LDLRAD4: variants seen among roughly 807,000 people sequenced by gnomAD.
LDLRAD4 encodes the protein low density lipoprotein receptor class A domain containing 4, also known as low-density lipoprotein receptor class A domain-containing protein 4.
LDLRAD4 carries 5 observed loss-of-function variants against 17.0 expected under a neutral mutation model. The ratio of observed to expected loss-of-function variants is 0.29; its 90% CI spans 0.15 to 0.62. The LOEUF is 0.62. Among genes scored for constraint, LDLRAD4 ranks in the 20% least tolerant of loss-of-function variants. The probability of loss-of-function intolerance (pLI) is 0.84; values close to 1 mark genes in which losing one functional copy is unlikely to be tolerated. For synonymous variants in LDLRAD4, 168 were observed against 171.8 expected, an observed-to-expected ratio of 0.98 and a Z score of 0.17; for missense variants, 340 against 424.7, an observed-to-expected ratio of 0.80 and a Z score of 1.75.
At chr18:13,504,510 C>T (rs1353049211) in intron 3 of LDLRAD4, among the ~76,000 whole-genome samples, 1 of 152,264 alleles carries the variant, frequency 6.6e-6, no homozygotes, top group East Asian at 1.9e-4. Flanking sequence ...TCACTGCAAC[C>T]TCTGCGTCGG....
chr18:13,619,759 G>T (rs117380684), intron 3 of LDLRAD4, among the ~76,000 whole-genome samples: 147 of 152,240 alleles, frequency 9.7e-4, no homozygotes, highest in South Asian at 1.4e-3. Flanking sequence ...GAGCCTCTGA[G>T]CATGGCTTTG....
At chr18:13,282,305 CT>C (rs2045330966) in intron 1 of LDLRAD4, among the ~76,000 whole-genome samples, 1 of 152,196 alleles carries the variant, frequency 6.6e-6, no homozygotes, top group Non-Finnish European at 1.5e-5. Context: ...AAAGTCTTAA[CT>C]CATTTCAGCA....
At chr18:13,556,120 G>A (rs191477235) in intron 3 of LDLRAD4, among the ~76,000 whole-genome samples, 309 of 152,314 alleles carry the variant, frequency 2.0e-3, no homozygotes, top group African/African-American at 6.7e-3. Flanking sequence ...TTCAGTGTAT[G>A]TTATTTTCTA....
At chr18:13,376,660 G>A (rs910171706) in intron 1 of LDLRAD4, among the ~76,000 whole-genome samples, 5 of 152,134 alleles carry the variant, frequency 3.3e-5, no homozygotes, top group East Asian at 1.9e-4. Flanking sequence ...CACCCTCGGC[G>A]TCCGGTGCTG....
At chr18:13,284,514 G>T (rs1044073720) in intron 1 of LDLRAD4, among the ~76,000 whole-genome samples, 6 of 152,160 alleles carry the variant, frequency 3.9e-5, no homozygotes, top group Non-Finnish European at 7.3e-5. Flanking sequence ...AAAATTTTGT[G>T]GGGGAGGCCA....
At chr18:13,578,827 CTTTTTTTTTTTTTTTTTT>C (rs1003295658) in intron 3 of LDLRAD4, among the ~76,000 whole-genome samples, 1 of 65,676 alleles carries the variant, frequency 1.5e-5, no homozygotes, top group Non-Finnish European at 2.8e-5. Flanking sequence ...TTGTCCGGGT[CTTTTTTTTTTTTTTTTTT>C]TTTTTTTTTT....
intron 3 of LDLRAD4, among the ~76,000 whole-genome samples, chr18:13,532,726 A>C (rs890534681): frequency 6.6e-6 from 1 of 152,254 alleles, no homozygotes; most frequent in Non-Finnish European, 1.5e-5. Context: ...AGGCATGTTC[A>C]TCTGTGTAAT....
chr18:13,336,584 C>A (rs2082113443), intron 1 of LDLRAD4, among the ~76,000 whole-genome samples: 1 of 151,980 alleles, frequency 6.6e-6, no homozygotes, highest in Non-Finnish European at 1.5e-5. Flanking sequence ...TTTTCTAATC[C>A]ATTCCTCTAC....
chr18:13,645,096 T>C lies in LDLRAD4; in HGVS notation c.391-31T>C, dbSNP rs2042948570. On this transcript the variant is annotated intron_variant, in intron 5 of 5. Coordinates refer to ENST00000359446, the Ensembl canonical transcript of LDLRAD4. The surrounding 1 kb of genome is among the most constrained non-coding windows in gnomAD (Gnocchi z 5.7). ...TTTATGGTCATCATTGCGCTCAAAC[T>C]GTCTTCAAGCCTCTCCTCTTTTCCT... 6.4e-7 allele frequency: 1 copy of C among 1,562,572 alleles called. No individual in the cohort carries two copies. Among genetic ancestry groups the C allele is most frequent in the African/African-American group, 1.4e-5 (1 of 73,984 alleles).
intron 3 of LDLRAD4, among the ~76,000 whole-genome samples, chr18:13,510,414 T>C (rs974701385): frequency 6.6e-6 from 1 of 152,134 alleles, no homozygotes; most frequent in African/African-American, 2.4e-5. Context: ...CTTCTAGCTC[T>C]AAAACTATTT....
intron 3 of LDLRAD4, among the ~76,000 whole-genome samples, chr18:13,491,039 C>G (rs930255944): frequency 6.6e-6 from 1 of 152,144 alleles, no homozygotes; most frequent in Non-Finnish European, 1.5e-5. Context: ...GTGGCCAAGT[C>G]GTCTCTGCTC....
At chr18:13,478,932 A>G (rs1303942809) in intron 3 of LDLRAD4, among the ~76,000 whole-genome samples, 1 of 152,230 alleles carries the variant, frequency 6.6e-6, no homozygotes, top group African/African-American at 2.4e-5. Context: ...CAGATGGATC[A>G]GTTGACAGAG....
chr18:13,245,247 C>T (rs1254462647), intron 1 of LDLRAD4, among the ~76,000 whole-genome samples: 1 of 152,144 alleles, frequency 6.6e-6, no homozygotes, highest in Non-Finnish European at 1.5e-5. Flanking sequence ...CATCCCAGCC[C>T]CTCTATTCTT....
intron 2 of LDLRAD4, among the ~76,000 whole-genome samples, chr18:13,391,820 T>G (rs2145317190): frequency 6.6e-6 from 1 of 152,356 alleles, no homozygotes; most frequent in South Asian, 2.1e-4. Flanking sequence ...TATGGTAACT[T>G]GATCATTCCC....
intron 3 of LDLRAD4, among the ~76,000 whole-genome samples, chr18:13,601,104 C>G (rs564323535): frequency 3.3e-5 from 5 of 152,162 alleles, no homozygotes; most frequent in African/African-American, 1.2e-4. Flanking sequence ...AAAGTCCAGT[C>G]GATCCATCTC....
Position 13,645,001 on chromosome 18 carries a change from T to G in LDLRAD4, c.391-126T>G, listed in dbSNP as rs2042940249. ...TTGGATTTTCCTGTTTTCTTTTTTT[T>G]TTTCCTGGGAGATGGTGTTCAAACT... On this transcript the variant is annotated intron_variant, in intron 5 of 5. Transcript: ENST00000359446. The surrounding 1 kb of genome is among the most constrained non-coding windows in gnomAD (Gnocchi z 5.7). The G allele has an allele frequency of 2.5e-6, 2 of 786,168 alleles. No individual in the cohort carries two copies. The highest frequency in any genetic ancestry group is 1.8e-5 in the South Asian group (1 of 55,740). The allele number at this position is 786,168 out of a possible 1,614,324, so 48.7% of individuals were successfully genotyped here. A position where few individuals can be genotyped will look rare whatever the true frequency, so the allele number is the denominator to read the frequency against.
At chr18:13,542,025 G>C (rs1247158548) in intron 3 of LDLRAD4, among the ~76,000 whole-genome samples, 1 of 152,156 alleles carries the variant, frequency 6.6e-6, no homozygotes, top group Non-Finnish European at 1.5e-5. Context: ...GCAGTGAGCT[G>C]TGATCATGCC....
intron 1 of LDLRAD4, among the ~76,000 whole-genome samples, chr18:13,326,257 G>A (rs1269997940): frequency 1.3e-5 from 2 of 152,300 alleles, no homozygotes; most frequent in Admixed American, 6.5e-5. Context: ...TTTCCTTAAA[G>A]GGGGGAAGGC....
intron 4 of LDLRAD4, among the ~76,000 whole-genome samples, chr18:13,623,396 C>T (rs2040834145): frequency 6.6e-6 from 1 of 152,236 alleles, no homozygotes; most frequent in Admixed American, 6.5e-5. Flanking sequence ...TACAGTGTTC[C>T]CCCTGAGAGC....
Sources: allele counts gnomAD v4.1 joint callset (sites outside exome capture counted in the v4.1 genomes callset), GRCh38; gene constraint gnomAD v4.1.1; non-coding constraint Gnocchi (gnomAD v3.1); transcripts MANE v1.5; gene names NCBI Gene and HGNC (gene_info 2026-07-23, HGNC 2026-07-21).